CFAP144: variants seen among roughly 807,000 people sequenced by gnomAD.
The protein encoded by CFAP144 is cilia and flagella associated protein 144.
the CFAP144 span, among the ~76,000 whole-genome samples, chr1:43,154,636 A>T: frequency 6.6e-6 from 1 of 152,156 alleles, no homozygotes; most frequent in Non-Finnish European, 1.5e-5. Context: ...AATGACTGTT[A>T]AAAACCAGAA....
chr1:43,152,850 C>T, the CFAP144 span: 19 of 1,611,404 alleles, frequency 1.2e-5, no homozygotes, highest in Non-Finnish European at 1.6e-5. Context: ...ATCTCATTCA[C>T]CATGCTGCCC....
At chr1:43,149,350 C>G in the CFAP144 span, among the ~76,000 whole-genome samples, 1 of 152,370 alleles carries the variant, frequency 6.6e-6, no homozygotes, top group Admixed American at 6.5e-5. Flanking sequence ...CCCACACACA[C>G]TCCTTTCCCC....
chr1:43,147,929 A>C, the CFAP144 span: 4 of 1,612,620 alleles, frequency 2.5e-6, no homozygotes, highest in South Asian at 4.4e-5. Context: ...CCCAGGCAAG[A>C]GGGCGCGTGG....
At chr1:43,145,647 C>T in the CFAP144 span, among the ~76,000 whole-genome samples, 1 of 152,174 alleles carries the variant, frequency 6.6e-6, no homozygotes, top group Non-Finnish European at 1.5e-5. Flanking sequence ...ATCACATGAA[C>T]ACATGACATT....
chr1:43,156,107 G>A, the CFAP144 span: 1 of 933,604 alleles, frequency 1.1e-6, no homozygotes, highest in Non-Finnish European at 1.8e-6. Context: ...CCACAGGCTG[G>A]GAGGGTGGAG....
chr1:43,149,475 T>C, the CFAP144 span, among the ~76,000 whole-genome samples: 13 of 152,368 alleles, frequency 8.5e-5, no homozygotes, highest in East Asian at 2.3e-3. Flanking sequence ...GCCTAATATG[T>C]AAAGTCCACT....
the CFAP144 span, chr1:43,156,060 T>C: frequency 3.0e-6 from 2 of 668,450 alleles, no homozygotes; most frequent in Non-Finnish European, 5.3e-6. Flanking sequence ...CACAACCTTT[T>C]TGATGTACAT....
chr1:43,143,572 G>C, the CFAP144 span, among the ~76,000 whole-genome samples: 2 of 152,204 alleles, frequency 1.3e-5, no homozygotes. Context: ...ACTAAAGAAA[G>C]GGGGAGGGTG....
At chr1:43,148,789 A>T in the CFAP144 span, among the ~76,000 whole-genome samples, 2 of 152,048 alleles carry the variant, frequency 1.3e-5, no homozygotes, top group Non-Finnish European at 2.9e-5. Context: ...TGATCTCATG[A>T]TCATTAGAAG....
At chr1:43,145,268 G>A in the CFAP144 span, 2 of 1,550,248 alleles carry the variant, frequency 1.3e-6, no homozygotes, top group South Asian at 2.4e-5. Context: ...AGAGTGAAGA[G>A]TGGAACACAT....
the CFAP144 span, among the ~76,000 whole-genome samples, chr1:43,153,896 G>T: frequency 6.7e-6 from 1 of 150,076 alleles, no homozygotes; most frequent in Non-Finnish European, 1.5e-5. Flanking sequence ...TCATGCAGAA[G>T]GTTTTCATTT....
chr1:43,152,134 C>T, the CFAP144 span, among the ~76,000 whole-genome samples: 1 of 152,134 alleles, frequency 6.6e-6, no homozygotes, highest in South Asian at 2.1e-4. Flanking sequence ...CCGGTAGTAG[C>T]ACTGACTCCA....
the CFAP144 span, among the ~76,000 whole-genome samples, chr1:43,150,457 G>T: frequency 6.6e-6 from 1 of 152,198 alleles, no homozygotes; most frequent in Non-Finnish European, 1.5e-5. Context: ...TGCAGCTATT[G>T]AGCACTTGAA....
the CFAP144 span, among the ~76,000 whole-genome samples, chr1:43,154,060 G>GTTTATA: frequency 1.4e-5 from 1 of 71,762 alleles, no homozygotes; most frequent in Non-Finnish European, 2.9e-5. Context: ...ATATATGTGT[G>GTTTATA]TGTATATATA....
At chr1:43,150,028 C>A in the CFAP144 span, among the ~76,000 whole-genome samples, 1 of 152,164 alleles carries the variant, frequency 6.6e-6, no homozygotes, top group Admixed American at 6.5e-5. Context: ...ACAGCACATT[C>A]CCTCACTTCA....
chr1:43,148,175 C>G, the CFAP144 span: 2 of 1,358,750 alleles, frequency 1.5e-6, no homozygotes, highest in Non-Finnish European at 2.0e-6. Flanking sequence ...GAACGCGGTC[C>G]CAGCAAAAAC....
the CFAP144 span, among the ~76,000 whole-genome samples, chr1:43,155,537 C>T: frequency 6.6e-6 from 1 of 152,212 alleles, no homozygotes; most frequent in Admixed American, 6.5e-5. Flanking sequence ...GGGGACAATG[C>T]CATCACAAGA....
At chr1:43,151,514 G>A in the CFAP144 span, among the ~76,000 whole-genome samples, 2 of 152,212 alleles carry the variant, frequency 1.3e-5, no homozygotes, top group African/African-American at 4.8e-5. Context: ...TCTTGGAGGA[G>A]GCGACCACAG....
chr1:43,143,028 G>A, the CFAP144 span, among the ~76,000 whole-genome samples: 165 of 151,986 alleles, frequency 1.1e-3, no homozygotes, highest in Non-Finnish European at 2.0e-3. Context: ...ATGTCACAGG[G>A]GTTTAGTGTA....
Sources: gnomAD v4.1 joint callset for allele counts (sites outside exome capture counted in the v4.1 genomes callset) on GRCh38, gnomAD v4.1.1 for gene constraint, MANE v1.5 for transcripts, NCBI Gene and HGNC (gene_info 2026-07-23, HGNC 2026-07-21) for gene names.